The following RNF212 variants were observed in gnomAD, a reference collection of about 807,000 sequenced individuals.
RNF212 encodes ring finger protein 212.
Under a neutral mutation model 34.7 loss-of-function variants are expected in RNF212, and 33 were observed. The ratio of observed to expected loss-of-function variants is 0.95; its 90% CI spans 0.72 to 1.27. The LOEUF is 1.27. RNF212 is among the 50% of genes most tolerant of loss of function. The probability of loss-of-function intolerance (pLI) is 0.00; values close to 1 mark genes in which losing one functional copy is unlikely to be tolerated. For missense variants in RNF212, 377 were observed against 362.2 expected (o/e 1.04, Z -0.33); for synonymous variants, 140 against 136.1 (o/e 1.03, Z -0.20).
At chr4:1,111,585 C>A (rs1330014334) in intron 1 of RNF212, among the ~76,000 whole-genome samples, 1 of 152,208 alleles carries the variant, frequency 6.6e-6, no homozygotes, top group Admixed American at 6.5e-5. Context: ...CCTAACTTCT[C>A]CTGAACCTAT....
intron 8 of RNF212, among the ~76,000 whole-genome samples, chr4:1,077,690 A>G (rs1025963391): frequency 2.0e-5 from 3 of 152,236 alleles, no homozygotes; most frequent in Admixed American, 6.5e-5. Flanking sequence ...GCAGCAAGGG[A>G]CAGCTGGAAG....
intron 8 of RNF212, 81 bp downstream of exon 8, chr4:1,079,562 T>C (rs1719988462): frequency 1.0e-6 from 1 of 957,092 alleles, no homozygotes; most frequent in East Asian, 2.4e-5. Context: ...GCACGAGAGG[T>C]TACGTTTTTC....
intron 2 of RNF212, among the ~76,000 whole-genome samples, chr4:1,104,864 A>G (rs1348188715): frequency 6.6e-6 from 1 of 152,156 alleles, no homozygotes; most frequent in Non-Finnish European, 1.5e-5. Flanking sequence ...GACAGCTAAG[A>G]AACACTCCCC....
At chr4:1,060,203 C>A (rs1717659619) in intron 3 of RNF212, among the ~76,000 whole-genome samples, 1 of 151,998 alleles carries the variant, frequency 6.6e-6, no homozygotes, top group African/African-American at 2.4e-5. Flanking sequence ...ACCCAAGAGG[C>A]CAACAATTCA....
intron 4 of RNF212, among the ~76,000 whole-genome samples, 195 bp from the exon 5 acceptor site, chr4:1,086,149 C>T (rs535400468): frequency 9.0e-4 from 137 of 152,304 alleles, no homozygotes; most frequent in Non-Finnish European, 1.5e-3. Context: ...CCATGCAGAG[C>T]GAAGTCAAAC....
intron 4 of RNF212, chr4:1,057,152 G>A (rs903821074): frequency 2.1e-5 from 5 of 233,690 alleles, no homozygotes; most frequent in Non-Finnish European, 3.5e-5. Context: ...CCCCCGCCCG[G>A]CGGCCAGCAG....
In RNF212 at chr4:1,108,341, A is replaced by G; in HGVS notation, c.171+2T>C. 1 of 1,499,532 alleles carries G rather than the reference A, an allele frequency of 6.7e-7. No individual in the cohort carries two copies. Among genetic ancestry groups the G allele is most frequent in the Non-Finnish European group, 8.9e-7 (1 of 1,129,082 alleles). 92.9% of individuals were successfully genotyped at this position (1,499,532 alleles called of 1,614,324 possible). A position where few individuals can be genotyped will look rare whatever the true frequency, so the allele number is the denominator to read the frequency against. ...ATGCAGATACGACACATTTCAACTTACATGCTTTGAAAGCAAAACTGTACG... is the reference window on the plus strand; with the variant it reads ...ATGCAGATACGACACATTTCAACTTGCATGCTTTGAAAGCAAAACTGTACG... On this transcript the variant is annotated splice_donor_variant, in intron 2 of 9. Transcript: ENST00000433731. LOFTEE classifies it high-confidence loss of function.
At chr4:1,056,883 G>T (rs988145166) in intron 4 of RNF212, 1 of 969,394 alleles carries the variant, frequency 1.0e-6, no homozygotes, top group African/African-American at 1.8e-5. Context: ...ATGGGCGGCC[G>T]GGGGGGCAGC....
At position 1,094,232 on chromosome 4, in the gene RNF212, C is replaced by T. The variant is rs112116120; in HGVS notation, c.246+2533G>A. Reference sequence around the variant, plus strand: ...CCAACGGTGGGAGCTGCACTCTTCACGGAAGAGGGAAAGGAAGTGCAGGGC... The same window carrying T: ...CCAACGGTGGGAGCTGCACTCTTCATGGAAGAGGGAAAGGAAGTGCAGGGC... On this transcript the variant is annotated intron_variant, in intron 3 of 9. Transcript: ENST00000433731. 2.2e-3 allele frequency among the ~76,000 whole-genome samples: 330 copies of T among 152,088 alleles called. 2 individuals carry two copies. The highest frequency in any genetic ancestry group is 0.014 in the Middle Eastern group (4 of 294).
At chr4:1,073,500 T>G (rs1266142080) in intron 9 of RNF212, 99 bp downstream of exon 9, 11 of 955,038 alleles carry the variant, frequency 1.2e-5, no homozygotes, top group Non-Finnish European at 1.3e-5. Context: ...CAGCACCCCC[T>G]TGGGTAGGTT....
intron 8 of RNF212, among the ~76,000 whole-genome samples, chr4:1,074,067 T>C (rs111481773): frequency 9.8e-5 from 15 of 152,332 alleles, no homozygotes; most frequent in African/African-American, 2.9e-4. Context: ...TTGGAGCTAA[T>C]GCTGCTCAGA....
At chr4:1,073,806 T>A (rs1055688843) in intron 8 of RNF212, 144 bp from the exon 9 acceptor site, 3 of 660,904 alleles carry the variant, frequency 4.5e-6, no homozygotes, top group African/African-American at 3.6e-5. Flanking sequence ...CTGTCTAACT[T>A]GATTCTGTGT....
chr4:1,099,417 G>A (rs1723576706), intron 2 of RNF212, among the ~76,000 whole-genome samples: 1 of 152,176 alleles, frequency 6.6e-6, no homozygotes, highest in Non-Finnish European at 1.5e-5. Flanking sequence ...GGAAATGGGG[G>A]AAAATCTAAG....
downstream of RNF212, among the ~76,000 whole-genome samples, chr4:1,071,031 A>G (rs1051852709): frequency 1.3e-5 from 2 of 150,532 alleles, no homozygotes; most frequent in African/African-American, 4.9e-5. Flanking sequence ...TTATTTTAAA[A>G]AACTAATTTT....
rs138906288 is a variant in RNF212, at chr4:1,099,821, C to T, written c.172-2982G>A. 8.6e-3 allele frequency: 3,906 copies of T among 456,248 alleles called. 166 individuals carry two copies. The highest frequency in any genetic ancestry group is 0.058 in the South Asian group (3,735 of 64,572). 28.3% of individuals were successfully genotyped at this position (456,248 alleles called of 1,614,324 possible). On this transcript the variant is annotated intron_variant, in intron 2 of 9. Coordinates refer to ENST00000433731, the MANE Select transcript of RNF212 (RefSeq NM_001131034.4). Reference sequence around the variant, plus strand: ...GAGCAATCGAGTCCACAAGGTCCGACGGCGCAAGCGGACACGGGTACCCCT... The same window carrying T: ...GAGCAATCGAGTCCACAAGGTCCGATGGCGCAAGCGGACACGGGTACCCCT...
chr4:1,089,451 G>T (rs1721842906), intron 4 of RNF212, among the ~76,000 whole-genome samples: 4 of 152,204 alleles, frequency 2.6e-5, no homozygotes. Context: ...TGATTCTACA[G>T]GCTCATAGGT....
chr4:1,101,376 T>C (rs546359175), intron 2 of RNF212: 1 of 192,360 alleles, frequency 5.2e-6, no homozygotes, highest in South Asian at 1.0e-4. Context: ...ACTTTTCTTC[T>C]CTTTCTAAAC....
intron 3 of RNF212, among the ~76,000 whole-genome samples, chr4:1,062,864 G>A (rs545492499): frequency 5.3e-5 from 8 of 152,054 alleles, no homozygotes; most frequent in Admixed American, 2.6e-4. Context: ...GTAGATTGCA[G>A]GATACAAGAT....
At chr4:1,102,374 A>G (rs1320582519) in intron 2 of RNF212, among the ~76,000 whole-genome samples, 4 of 152,226 alleles carry the variant, frequency 2.6e-5, no homozygotes, top group African/African-American at 2.4e-5. Flanking sequence ...AGGAAACGTC[A>G]GCCCTCCATC....
Sources: allele counts gnomAD v4.1 joint callset (sites outside exome capture counted in the v4.1 genomes callset), GRCh38; gene constraint gnomAD v4.1.1; transcripts MANE v1.5; gene names NCBI Gene and HGNC (gene_info 2026-07-23, HGNC 2026-07-21).